LYRM1: variants seen among roughly 807,000 people sequenced by gnomAD.
The protein encoded by LYRM1 is LYR motif containing 1.
LYRM1 carries 14 observed loss-of-function variants against 14.9 expected under a neutral mutation model. The observed-to-expected ratio is 0.94, with a 90% CI of 0.62 to 1.47. The LOEUF (loss-of-function observed/expected upper bound fraction) is 1.47, where lower values mean the gene tolerates loss of function less well. Ranked by LOEUF, LYRM1 falls within the 40% of genes most tolerant of loss-of-function variation. LYRM1 has a pLI of 0.00. For synonymous variants in LYRM1, 43 were observed against 56.2 expected (o/e 0.77, Z 1.05); for missense variants, 153 against 149.9 (o/e 1.02, Z -0.11).
At chr16:20,903,507 C>T (rs2082166233) in intron 1 of LYRM1, among the ~76,000 whole-genome samples, 1 of 152,190 alleles carries the variant, frequency 6.6e-6, no homozygotes, top group Admixed American at 6.6e-5. Flanking sequence ...TTTCAAGTGC[C>T]AGTAGCTACC....
At chr16:20,913,224 G>A (rs1473357790) in intron 1 of LYRM1, among the ~76,000 whole-genome samples, 1 of 151,636 alleles carries the variant, frequency 6.6e-6, no homozygotes, top group Non-Finnish European at 1.5e-5. Context: ...ATTTGGAAGG[G>A]GTACAGTGGG....
intron 2 of LYRM1, among the ~76,000 whole-genome samples, chr16:20,916,188 C>T (rs1395762733): frequency 1.3e-5 from 2 of 152,056 alleles, no homozygotes; most frequent in African/African-American, 4.8e-5. Flanking sequence ...CAGCTTTGAA[C>T]TCAAGCCTCT....
Position 20,903,279 on chromosome 16 carries a change from T to C in LYRM1, c.-1+2390T>C, listed in dbSNP as rs958958711. On this transcript the variant is annotated intron_variant, in intron 1 of 3. Coordinates refer to ENST00000567954, the MANE Select transcript of LYRM1 (RefSeq NM_001128302.3). ...AACACCAGCCTGAAGTTCCTAGAGG[T>C]TCCTACACAGCAACTGTCAGCCAGA... Among the ~76,000 whole-genome samples the C allele has an allele frequency of 2.0e-5, 3 of 152,222 alleles. 1 individual carries two copies. In the South Asian group the frequency reaches 6.2e-4, roughly 32 times the overall value.
intron 3 of LYRM1, chr16:20,920,560 G>A: frequency 3.8e-6 from 1 of 262,476 alleles, no homozygotes; most frequent in Non-Finnish European, 7.4e-6. Context: ...AAACATGAAA[G>A]GAATGCATAA....
At chr16:20,919,898 G>T (rs1005638022) in intron 2 of LYRM1, among the ~76,000 whole-genome samples, 18 of 152,106 alleles carry the variant, frequency 1.2e-4, no homozygotes, top group African/African-American at 4.3e-4. Flanking sequence ...GGGAAACGTA[G>T]TTCTTATGTT....
At chr16:20,899,932 C>A (rs1045264759), upstream of LYRM1, 2 of 152,452 alleles carry the variant, frequency 1.3e-5, no homozygotes, top group Non-Finnish European at 2.9e-5. Flanking sequence ...GCACCCCCTC[C>A]AGGGCAGCTC....
chr16:20,910,058 A>G (rs2082512106), intron 1 of LYRM1, among the ~76,000 whole-genome samples: 1 of 152,202 alleles, frequency 6.6e-6, no homozygotes, highest in Non-Finnish European at 1.5e-5. Flanking sequence ...ATTTTCTGAG[A>G]CATCCATATT....
Position 20,908,854 on chromosome 16 carries a change from A to T in LYRM1, c.1-6702A>T, listed in dbSNP as rs13336268. On this transcript the variant is annotated intron_variant, in intron 1 of 3. Transcript: ENST00000567954. ...AGGCAGAGGAAGACTCAGCCAAGAC[A>T]GACAGAAGTATGACATGGCAAGGCA... Among the ~76,000 whole-genome samples the T allele has an allele frequency of 5.4e-3, 823 of 152,338 alleles. 9 individuals are homozygous for T. The highest frequency in any genetic ancestry group is 0.019 in the African/African-American group (781 of 41,572).
At chr16:20,912,279 G>GT (rs981899620) in intron 1 of LYRM1, among the ~76,000 whole-genome samples, 14 of 139,114 alleles carry the variant, frequency 1.0e-4, no homozygotes, top group Non-Finnish European at 1.6e-4. Flanking sequence ...GGTTTTTTTT[G>GT]TTTTTTTTGA....
chr16:20,919,803 A>G (rs1213836470), intron 2 of LYRM1, among the ~76,000 whole-genome samples: 3 of 152,248 alleles, frequency 2.0e-5, no homozygotes, highest in African/African-American at 4.8e-5. Flanking sequence ...GCATTTTCAC[A>G]TATACATAGA....
At chr16:20,900,668 T>C (rs1016596313), upstream of LYRM1, 6 of 152,308 alleles carry the variant, frequency 3.9e-5, no homozygotes, top group African/African-American at 2.4e-5. Flanking sequence ...CAGCTTATTG[T>C]TGGATGCGGC....
At chr16:20,913,053 C>T (rs929951572) in intron 1 of LYRM1, among the ~76,000 whole-genome samples, 29 of 146,102 alleles carry the variant, frequency 2.0e-4, no homozygotes, top group South Asian at 8.8e-4. Flanking sequence ...GCAACAAAAG[C>T]GAAACTCTGT....
intron 1 of LYRM1, among the ~76,000 whole-genome samples, chr16:20,908,141 C>T (rs78174741): frequency 0.084 from 12,802 of 152,078 alleles, 587 homozygotes; most frequent in East Asian, 0.13. Context: ...AGGGTTGCCA[C>T]GGGGAATGGA....
In LYRM1 at chr16:20,915,698, TC is replaced by T. The variant is rs748424162; in HGVS notation, c.145del (p.Arg49GlyfsTer11). ...QYILNEARTL[F>X]RKNKNLTDTD... ...ATACTAAATGAAGCCAGAACGCTGT[TC>T]CGGAAAAACAAAAATGTAAGTAGGC... is the stretch of plus-strand genomic sequence containing the variant. On this transcript the variant is annotated frameshift_variant, in exon 2 of 4. Transcript: ENST00000567954. LOFTEE classifies it high-confidence loss of function. The T allele has an allele frequency of 6.2e-7, 1 of 1,613,934 alleles. No individual in the cohort carries two copies. The highest frequency in any genetic ancestry group is 8.5e-7 in the Non-Finnish European group (1 of 1,179,904).
At position 20,901,997 on chromosome 16, in the gene LYRM1, G is replaced by A. The variant is rs1033493163; in HGVS notation, c.-1+1108G>A. ...AAATCAGCTGGGCGTAGTGGCACGC[G>A]CCTGTAATCTCTGCTACTCAGGAGA... On this transcript the variant is annotated intron_variant, in intron 1 of 3. Coordinates refer to ENST00000567954, the MANE Select transcript of LYRM1 (RefSeq NM_001128302.3). The surrounding 1 kb of genome is among the most constrained non-coding windows in gnomAD (Gnocchi z 4.6). 8.5e-5 allele frequency among the ~76,000 whole-genome samples: 13 copies of A among 152,192 alleles called. No homozygotes were observed. The highest frequency in any genetic ancestry group is 2.9e-5 in the Non-Finnish European group (2 of 68,036).
At chr16:20,907,037 A>T (rs574601722) in intron 1 of LYRM1, among the ~76,000 whole-genome samples, 7 of 152,334 alleles carry the variant, frequency 4.6e-5, no homozygotes, top group Admixed American at 1.3e-4. Flanking sequence ...GCTTGTGGTC[A>T]GTCAGGAAAA....
chr16:20,917,895 T>C (rs540679904), intron 2 of LYRM1, among the ~76,000 whole-genome samples: 3 of 152,148 alleles, frequency 2.0e-5, no homozygotes, highest in East Asian at 3.9e-4. Context: ...CTTGAACATA[T>C]AGACACGTTC....
chr16:20,912,282 T>C (rs1245564483), intron 1 of LYRM1, among the ~76,000 whole-genome samples: 1 of 139,886 alleles, frequency 7.1e-6, no homozygotes, highest in East Asian at 2.2e-4. Flanking sequence ...TTTTTTTGTT[T>C]TTTTTGAGAT....
At chr16:20,904,024 GC>G (rs1020263640) in intron 1 of LYRM1, among the ~76,000 whole-genome samples, 4 of 151,754 alleles carry the variant, frequency 2.6e-5, no homozygotes, top group Non-Finnish European at 5.9e-5. Context: ...TTCAATTCCA[GC>G]CCCCCCACCA....
Sources: gnomAD v4.1 joint callset for allele counts (sites outside exome capture counted in the v4.1 genomes callset) on GRCh38, gnomAD v4.1.1 for gene constraint, Gnocchi (gnomAD v3.1) non-coding constraint, MANE v1.5 for transcripts, NCBI Gene and HGNC (gene_info 2026-07-23, HGNC 2026-07-21) for gene names.